MYNN: variants seen among roughly 807,000 people sequenced by gnomAD.
MYNN encodes myoneurin, also known as zinc finger and BTB domain-containing protein 31.
Under a neutral mutation model 57.2 loss-of-function variants are expected in MYNN, and 22 were observed. That is an observed-to-expected ratio of 0.38 (90% CI 0.27 to 0.55). The LOEUF (loss-of-function observed/expected upper bound fraction) is 0.55. Among genes scored for constraint, MYNN ranks in the 20% least tolerant of loss-of-function variants. MYNN has a pLI of 0.71. For missense variants in MYNN, 566 were observed against 723.1 expected (o/e 0.78, Z 2.49); for synonymous variants, 241 against 257.1 (o/e 0.94, Z 0.60).
In MYNN at chr3:169,786,852, C is replaced by A. The variant is rs910266583; in HGVS notation, c.*174C>A. The A allele has an allele frequency of 1.8e-5, 12 of 654,238 alleles. 1 individual carries two copies. In the South Asian group the frequency reaches 2.5e-4, roughly 14 times the overall value. The allele number at this position is 654,238 out of a possible 1,614,324, so 40.5% of individuals were successfully genotyped here. A position where few individuals can be genotyped will look rare whatever the true frequency, so the allele number is the denominator to read the frequency against. On this transcript the variant is annotated 3_prime_UTR_variant, in exon 8 of 8. Coordinates refer to ENST00000349841, the MANE Select transcript of MYNN (RefSeq NM_018657.5). Reference sequence around the variant, plus strand: ...CTGCAATGTTTGTTTTTATTTTTGGCTTTATGTCTATACTCCACAGAGAGC... The same window carrying A: ...CTGCAATGTTTGTTTTTATTTTTGGATTTATGTCTATACTCCACAGAGAGC...
At chr3:169,774,631 T>C in intron 2 of MYNN, 70 bp downstream of exon 2, 1 of 1,403,342 alleles carries the variant, frequency 7.1e-7, no homozygotes, top group Admixed American at 2.1e-5. Context: ...TAGATTTGTA[T>C]TTTTTCCATT....
Position 169,782,682 on chromosome 3 carries a change from T to G in MYNN, c.1399+39T>G, listed in dbSNP as rs766854266. 2 of 1,555,466 alleles carry G rather than the reference T, an allele frequency of 1.3e-6. No homozygotes were observed. The highest frequency in any genetic ancestry group is 1.7e-6 in the Non-Finnish European group (2 of 1,153,206). ...GGAGAGACTGCTTAAAATAAAGTTATAAATAAAAGAAAAAGGGGACTTGGG... is the reference window on the plus strand; with the variant it reads ...GGAGAGACTGCTTAAAATAAAGTTAGAAATAAAAGAAAAAGGGGACTTGGG... On this transcript the variant is annotated intron_variant, in intron 5 of 7. Transcript: ENST00000349841. This position sits in a 1 kb window ranked among gnomAD's most constrained non-coding sequence, Gnocchi z 4.8.
chr3:169,774,839 G>T (rs1263826863), intron 2 of MYNN, among the ~76,000 whole-genome samples: 1 of 152,062 alleles, frequency 6.6e-6, no homozygotes, highest in Non-Finnish European at 1.5e-5. Flanking sequence ...TAAACACAAT[G>T]AATTTATTTT....
At position 169,786,719 on chromosome 3, in the gene MYNN, C is replaced by T. The variant is rs1006610643; in HGVS notation, c.*41C>T. 4 of 1,579,374 alleles carry T rather than the reference C, an allele frequency of 2.5e-6. No homozygotes were observed. In the Admixed American group the frequency reaches 6.8e-5, roughly 27 times the overall value. On this transcript the variant is annotated 3_prime_UTR_variant, in exon 8 of 8. Coordinates refer to ENST00000349841, the MANE Select transcript of MYNN (RefSeq NM_018657.5). Reference sequence around the variant, plus strand: ...GGAATTGCTAAGATATCATTGGTAGCAAACATCTCTGGTAAGGTGCATATA... The same window carrying T: ...GGAATTGCTAAGATATCATTGGTAGTAAACATCTCTGGTAAGGTGCATATA...
intron 7 of MYNN, among the ~76,000 whole-genome samples, 168 bp downstream of exon 7, chr3:169,784,876 C>A (rs1778627024): frequency 7.0e-6 from 1 of 143,470 alleles, no homozygotes; most frequent in Non-Finnish European, 1.5e-5. Context: ...TTTGCAGAAA[C>A]ATTCACTCTG....
Position 169,778,870 on chromosome 3 carries a change from T to A in MYNN, c.369T>A (p.Asn123Lys). The A allele has an allele frequency of 6.2e-7, 1 of 1,613,972 alleles. No homozygotes were observed. The highest frequency in any genetic ancestry group is 1.7e-4 in the Middle Eastern group (1 of 6,054). ...TGGAAGATTTTGCTTTTATTGCTAA[T>A]CCTTCTTCTACAGAGATATCTAGTA... ...IKMEDFAFIA[N>K]PSSTEISSIT... Residue 123 changes from asparagine to lysine, a missense_variant, in exon 3 of 8, where the codon AAT becomes AAA. Around this residue, in one of 4 missense-constraint regions of MYNN, gnomAD observed 261 missense variants for 280.8 expected, o/e 0.93. Transcript: ENST00000349841.
At chr3:169,773,909 C>T (rs760446566) in intron 1 of MYNN, 4 of 187,808 alleles carry the variant, frequency 2.1e-5, no homozygotes, top group Non-Finnish European at 4.5e-5. Flanking sequence ...CCCTATCTGT[C>T]CCAAGAGATC....
Position 169,782,597 on chromosome 3 carries a change from A to G in MYNN, c.1353A>G (p.Ala451=). The G allele has an allele frequency of 6.2e-7, 1 of 1,614,000 alleles. No homozygotes were observed. Among genetic ancestry groups the G allele is most frequent in the African/African-American group, 1.3e-5 (1 of 75,056 alleles). Residue 451 remains alanine, a synonymous_variant, in exon 5 of 8, where the codon GCA becomes GCG. Transcript: ENST00000349841. The surrounding 1 kb of genome is among the most constrained non-coding windows in gnomAD (Gnocchi z 4.8). Reference sequence around the variant, plus strand: ...ATGTATGTGATACCTGTGGGAAGGCATTTGCTGTCTCTAGTTCTCTTATCA... The same window carrying G: ...ATGTATGTGATACCTGTGGGAAGGCGTTTGCTGTCTCTAGTTCTCTTATCA... ...KPYVCDTCGK[A]FAVSSSLITH... is the part of the protein sequence containing the mutation.
chr3:169,788,576 G>A lies in MYNN; in HGVS notation c.*1898G>A, dbSNP rs1371898137. On this transcript the variant is annotated 3_prime_UTR_variant, in exon 8 of 8. Transcript: ENST00000349841. ...ATGAACAAAAAACTGCTACAGTGAC[G>A]TCATAATTCTATAAGGGCAATAGTT... is the stretch of plus-strand genomic sequence containing the variant. 3 of 152,084 alleles carry A rather than the reference G, an allele frequency of 2.0e-5. No homozygotes were observed. The highest frequency in any genetic ancestry group is 4.8e-5 in the African/African-American group (2 of 41,432). 9.4% of individuals were successfully genotyped at this position (152,084 alleles called of 1,614,324 possible). A position where few individuals can be genotyped will look rare whatever the true frequency, so the allele number is the denominator to read the frequency against.
At position 169,789,101 on chromosome 3, in the gene MYNN, A is replaced by C. The variant is rs1415701662; in HGVS notation, c.*2423A>C. On this transcript the variant is annotated 3_prime_UTR_variant, in exon 8 of 8. Transcript: ENST00000349841. Reference sequence around the variant, plus strand: ...TTTTCTTTTGTATTTGTATCAGATCATGCCTACTGTATGTTAGATTTTAGA... The same window carrying C: ...TTTTCTTTTGTATTTGTATCAGATCCTGCCTACTGTATGTTAGATTTTAGA... 1.3e-5 allele frequency: 2 copies of C among 152,210 alleles called. No homozygotes were observed. Among genetic ancestry groups the C allele is most frequent in the Admixed American group, 1.3e-4 (2 of 15,282 alleles). 9.4% of individuals were successfully genotyped at this position (152,210 alleles called of 1,614,324 possible).
At chr3:169,786,017 TAAA>T (rs1205424074) in intron 7 of MYNN, among the ~76,000 whole-genome samples, 6 of 152,174 alleles carry the variant, frequency 3.9e-5, no homozygotes, top group South Asian at 4.1e-4. Flanking sequence ...TTGAGGGAGT[TAAA>T]GAAGTATAAC....
At chr3:169,784,861 G>C (rs1485157257) in intron 7 of MYNN, among the ~76,000 whole-genome samples, 153 bp downstream of exon 7, 3 of 149,066 alleles carry the variant, frequency 2.0e-5, no homozygotes, top group Non-Finnish European at 4.5e-5. Context: ...GAGGAAAGTA[G>C]CTTTTTTGCA....
intron 6 of MYNN, among the ~76,000 whole-genome samples, chr3:169,784,382 CATTTCTGTTT>C (rs1184450981): frequency 6.6e-6 from 1 of 151,852 alleles, no homozygotes; most frequent in Non-Finnish European, 1.5e-5. Context: ...TTTGCAGATA[CATTTCTGTTT>C]ATGAAAATGC....
rs766007065 is a variant in MYNN, at chr3:169,778,809, A to C, written c.308A>C (p.Lys103Thr). Residue 103 changes from lysine to threonine, a missense_variant, in exon 3 of 8, where the codon AAA becomes ACA. This residue lies in a region of MYNN where 261 missense variants were observed against 280.8 expected (regional missense o/e 0.93). Transcript: ENST00000349841. ...ATTCATCAGGCTGCTGACTATCTCA[A>C]AGTGGAAGAGGTGGTCACTAAATGC... is the stretch of plus-strand genomic sequence containing the variant. Reference protein sequence around the residue: ...KEIHQAADYLKVEEVVTKCKI... With the variant: ...KEIHQAADYLTVEEVVTKCKI... 1 of 1,609,440 alleles carries C rather than the reference A, an allele frequency of 6.2e-7. No homozygotes were observed. Among genetic ancestry groups the C allele is most frequent in the Non-Finnish European group, 8.5e-7 (1 of 1,178,294 alleles).
chr3:169,781,642 A>G (rs1268138727), intron 4 of MYNN, among the ~76,000 whole-genome samples: 2 of 152,144 alleles, frequency 1.3e-5, no homozygotes, highest in African/African-American at 4.8e-5. Flanking sequence ...AAAACCAGGA[A>G]AGAGGGCTGC....
chr3:169,784,506 GA>G (rs1450426369), intron 6 of MYNN, 115 bp from the exon 7 acceptor site: 12 of 655,882 alleles, frequency 1.8e-5, no homozygotes, highest in African/African-American at 3.9e-5. Context: ...GTGACAATTT[GA>G]AACCAAATTT....
In MYNN at chr3:169,789,062, CTAAA is replaced by C. The variant is rs1778751917; in HGVS notation, c.*2390_*2393del. 6.6e-6 allele frequency: 1 copy of C among 152,016 alleles called. No homozygotes were observed. The highest frequency in any genetic ancestry group is 1.5e-5 in the Non-Finnish European group (1 of 67,996). 9.4% of individuals were successfully genotyped at this position (152,016 alleles called of 1,614,324 possible). On this transcript the variant is annotated 3_prime_UTR_variant, in exon 8 of 8. Transcript: ENST00000349841. ...GAAGATCTTACTGAGAAACTATTTT[CTAAA>C]TAAATTTAATTTTCTTTTGTATTTG... is the stretch of plus-strand genomic sequence containing the variant.
Position 169,789,494 on chromosome 3 carries a change from T to C in MYNN, c.*2816T>C, listed in dbSNP as rs767354257. The stretch of plus-strand genomic sequence containing the variant: ...GGGGAAGCCCCATAGGTGATTTTAA[T>C]GTATACCAAACATGTAGAGTCTCAC... On this transcript the variant is annotated 3_prime_UTR_variant, in exon 8 of 8. Transcript: ENST00000349841. 1.3e-5 allele frequency: 2 copies of C among 152,206 alleles called. No homozygotes were observed. Among genetic ancestry groups the C allele is most frequent in the African/African-American group, 4.8e-5 (2 of 41,458 alleles). 9.4% of individuals were successfully genotyped at this position (152,206 alleles called of 1,614,324 possible). A position where few individuals can be genotyped will look rare whatever the true frequency, so the allele number is the denominator to read the frequency against.
chr3:169,778,925 A>G lies in MYNN; in HGVS notation c.424A>G (p.Thr142Ala), dbSNP rs1167977825. 2.5e-6 allele frequency: 4 copies of G among 1,613,910 alleles called. No individual in the cohort carries two copies. In the African/African-American group the frequency reaches 4.0e-5, roughly 16 times the overall value. Residue 142 changes from threonine to alanine, a missense_variant, in exon 3 of 8, where the codon ACT (threonine) becomes GCT (alanine). Coordinates refer to ENST00000349841, the MANE Select transcript of MYNN (RefSeq NM_018657.5). ...ITGNIELNQQ[T>A]CLLTLRDYNN... Reference sequence around the variant, plus strand: ...TGGAAACATTGAATTGAATCAACAGACTTGTCTTCTTACTCTGCGAGATTA... The same window carrying G: ...TGGAAACATTGAATTGAATCAACAGGCTTGTCTTCTTACTCTGCGAGATTA...
Sources: allele counts gnomAD v4.1 joint callset (sites outside exome capture counted in the v4.1 genomes callset), GRCh38; gene constraint gnomAD v4.1.1; regional missense constraint gnomAD v4.1.1; non-coding constraint Gnocchi (gnomAD v3.1); transcripts MANE v1.5; gene names NCBI Gene and HGNC (gene_info 2026-07-23, HGNC 2026-07-21).